The following RNF217 variants were observed in gnomAD, a reference collection of about 807,000 sequenced individuals.
RNF217 encodes E3 ubiquitin-protein ligase RNF217.
In RNF217, 31 loss-of-function variants were observed where a neutral mutation model predicts 57.8. The ratio of observed to expected loss-of-function variants is 0.54; its 90% CI spans 0.40 to 0.72. The LOEUF is 0.72. Among genes scored for constraint, RNF217 ranks in the 30% least tolerant of loss-of-function variants. The pLI, the probability that RNF217 is intolerant of heterozygous loss-of-function variation, is 0.00. For missense variants in RNF217, 696 were observed against 708.3 expected (o/e 0.98, Z 0.20); for synonymous variants, 313 against 294.0 (o/e 1.06, Z -0.66).
At chr6:125,062,111 A>G (rs1473445868) in intron 3 of RNF217, among the ~76,000 whole-genome samples, 2 of 152,044 alleles carry the variant, frequency 1.3e-5, no homozygotes, top group Non-Finnish European at 2.9e-5. Flanking sequence ...CTGTACTTAC[A>G]CTGGTGAGTT....
intron 1 of RNF217, among the ~76,000 whole-genome samples, chr6:125,030,465 T>C (rs1786305481): frequency 6.6e-6 from 1 of 152,204 alleles, no homozygotes; most frequent in Non-Finnish European, 1.5e-5. Context: ...ACTTCCTAGA[T>C]ACAATGGGAA....
chr6:125,035,164 C>T (rs2114488851), intron 1 of RNF217, among the ~76,000 whole-genome samples: 1 of 152,264 alleles, frequency 6.6e-6, no homozygotes, highest in East Asian at 1.9e-4. Flanking sequence ...TTGACTTCCT[C>T]TTTTCCTAGT....
At chr6:125,045,821 A>G (rs959368358) in intron 2 of RNF217, among the ~76,000 whole-genome samples, 2 of 151,748 alleles carry the variant, frequency 1.3e-5, no homozygotes, top group African/African-American at 2.4e-5. Context: ...TGTTCTGTCT[A>G]TAATAGGTAA....
chr6:124,963,384 G>C lies in RNF217; in HGVS notation c.840G>C (p.Lys280Asn). The change falls in exon 1 of 6, where the codon AAG (lysine) becomes AAC (asparagine). Residue 280 changes from lysine (K) to asparagine (N), a missense_variant. Lys to Asn is a moderately conservative substitution (Grantham distance 94, BLOSUM62 0). Transcript: ENST00000521654. ...TCAAGCCCCTGCCTTGCTGCAAGAA[G>C]GCCGTGTGCGAGGAGTGCCTCAAAG... ...KPIKPLPCCK[K>N]AVCEECLKVY... is the part of the protein sequence containing the mutation. 1 of 1,508,130 alleles carries C rather than the reference G, an allele frequency of 6.6e-7. No individual in the cohort carries two copies. The highest frequency in any genetic ancestry group is 2.1e-5 in the Admixed American group (1 of 46,978). 93.4% of individuals were successfully genotyped at this position (1,508,130 alleles called of 1,614,324 possible).
At chr6:125,054,498 C>G (rs1230859980) in intron 2 of RNF217, among the ~76,000 whole-genome samples, 1 of 152,164 alleles carries the variant, frequency 6.6e-6, no homozygotes, top group Non-Finnish European at 1.5e-5. Flanking sequence ...AGTCATTTAG[C>G]TCTTCTCTGT....
intron 1 of RNF217, among the ~76,000 whole-genome samples, chr6:125,004,341 T>C (rs1785091789): frequency 1.3e-5 from 2 of 152,168 alleles, no homozygotes; most frequent in South Asian, 4.1e-4. Flanking sequence ...TCCTCCATCC[T>C]AGTTAAGTGC....
chr6:124,989,867 GA>G lies in RNF217; in HGVS notation c.882+26451del, dbSNP rs144016453. On this transcript the variant is annotated intron_variant, in intron 1 of 5. Coordinates refer to ENST00000521654, the MANE Select transcript of RNF217 (RefSeq NM_001286398.3). ...AACCAGCTGTTATTGTTCTCTGCTT[GA>G]AAAAAAAAACACCAACAAAATAAAG... is the stretch of plus-strand genomic sequence containing the variant. 3.4e-3 allele frequency among the ~76,000 whole-genome samples: 495 copies of G among 144,382 alleles called. 3 individuals carry two copies. The highest frequency in any genetic ancestry group is 5.9e-3 in the Non-Finnish European group (390 of 66,050). 94.7% of individuals were successfully genotyped at this position (144,382 alleles called of 152,430 possible). A position where few individuals can be genotyped will look rare whatever the true frequency, so the allele number is the denominator to read the frequency against.
At chr6:124,975,681 A>T (rs953807282) in intron 1 of RNF217, among the ~76,000 whole-genome samples, 1 of 151,840 alleles carries the variant, frequency 6.6e-6, no homozygotes, top group Admixed American at 6.6e-5. Context: ...AAGCGATCTA[A>T]CCACCTGGGC....
chr6:124,962,914 C>A lies in RNF217; in HGVS notation c.370C>A (p.Gln124Lys), dbSNP rs867768092. ...AGDRKEGGDE[Q>K]QEAPPGEELE... ...GGATCGAAAAGAGGGAGGGGATGAA[C>A]AGCAGGAGGCGCCCCCCGGCGAAGA... Residue 124 changes from glutamine (Q) to lysine (K), a missense_variant, in exon 1 of 6, where the codon CAG becomes AAG. By Grantham distance (53) the Gln-to-Lys change is moderately conservative. Around this residue, in one of 2 missense-constraint regions of RNF217, gnomAD observed 465 missense variants for 386.8 expected, o/e 1.20. Coordinates refer to ENST00000521654, the MANE Select transcript of RNF217 (RefSeq NM_001286398.3). This position sits in a 1 kb window ranked among gnomAD's most constrained non-coding sequence, Gnocchi z 4.6. The A allele has an allele frequency of 1.3e-6, 2 of 1,597,954 alleles. No homozygotes were observed. Among genetic ancestry groups the A allele is most frequent in the South Asian group, 2.2e-5 (2 of 91,066 alleles).
rs2114671976 is a variant in RNF217 at position 125,087,879 on chromosome 6, C to T, written c.*4942C>T. On this transcript the variant is annotated 3_prime_UTR_variant, in exon 6 of 6. Coordinates refer to ENST00000521654, the MANE Select transcript of RNF217 (RefSeq NM_001286398.3). ...AATTCATGAATTCTATAAAAGAAATCTCCCTCACTAAAAATATGATCAATC... is the reference window on the plus strand; with the variant it reads ...AATTCATGAATTCTATAAAAGAAATTTCCCTCACTAAAAATATGATCAATC... The T allele has an allele frequency of 6.6e-6, 1 of 152,082 alleles. No homozygotes were observed. Among genetic ancestry groups the T allele is most frequent in the African/African-American group, 2.4e-5 (1 of 41,514 alleles). 9.4% of individuals were successfully genotyped at this position (152,082 alleles called of 1,614,324 possible).
chr6:125,075,334 T>A (rs556313922), intron 3 of RNF217, among the ~76,000 whole-genome samples: 2 of 152,268 alleles, frequency 1.3e-5, no homozygotes, highest in South Asian at 4.2e-4. Flanking sequence ...TAGTCCATTA[T>A]CATGCTGCTA....
intron 1 of RNF217, among the ~76,000 whole-genome samples, chr6:124,993,011 G>A (rs1220425636): frequency 6.6e-6 from 1 of 152,152 alleles, no homozygotes; most frequent in East Asian, 1.9e-4. Flanking sequence ...AGAAACAACT[G>A]TCAGTGCTCT....
intron 4 of RNF217, among the ~76,000 whole-genome samples, chr6:125,079,100 G>C (rs1156368967): frequency 6.6e-6 from 1 of 152,064 alleles, no homozygotes; most frequent in Non-Finnish European, 1.5e-5. Flanking sequence ...CTGAAGGGTG[G>C]GAAACATGGT....
chr6:125,076,875 C>A lies in RNF217; in HGVS notation c.1483+17C>A, dbSNP rs535099825. The A allele has an allele frequency of 1.3e-4, 213 of 1,600,228 alleles. 1 individual carries two copies. In the South Asian group the frequency reaches 2.2e-3, roughly 16 times the overall value. On this transcript the variant is annotated intron_variant, in intron 4 of 5. Transcript: ENST00000521654. The stretch of plus-strand genomic sequence containing the variant: ...CAGTCTGTGGTGAGTGTCTGACATA[C>A]TTATGGGTGTCTTCCCTGGGAATTA...
intron 1 of RNF217, among the ~76,000 whole-genome samples, chr6:124,969,255 A>G (rs1216617053): frequency 6.6e-6 from 1 of 152,240 alleles, no homozygotes; most frequent in Non-Finnish European, 1.5e-5. Context: ...AGTAAATACA[A>G]AGATATACAT....
At chr6:124,992,401 G>C (rs1406050776) in intron 1 of RNF217, among the ~76,000 whole-genome samples, 1 of 152,072 alleles carries the variant, frequency 6.6e-6, no homozygotes, top group African/African-American at 2.4e-5. Context: ...GAGAAAATAA[G>C]AAACTAAGAG....
intron 1 of RNF217, among the ~76,000 whole-genome samples, chr6:125,032,319 C>T (rs942145580): frequency 6.6e-6 from 1 of 152,074 alleles, no homozygotes; most frequent in Non-Finnish European, 1.5e-5. Flanking sequence ...ACTTAAAATT[C>T]CTAATTCAAT....
intron 1 of RNF217, among the ~76,000 whole-genome samples, chr6:125,026,211 T>G (rs941868613): frequency 1.3e-5 from 2 of 152,224 alleles, no homozygotes; most frequent in African/African-American, 4.8e-5. Flanking sequence ...CAGCCAGTTT[T>G]GCAAAACCTG....
At chr6:125,063,329 G>A (rs1224213114) in intron 3 of RNF217, among the ~76,000 whole-genome samples, 1 of 152,134 alleles carries the variant, frequency 6.6e-6, no homozygotes, top group Non-Finnish European at 1.5e-5. Context: ...ACACTAAATT[G>A]TAATTTATTT....
Sources: allele counts gnomAD v4.1 joint callset (sites outside exome capture counted in the v4.1 genomes callset), GRCh38; gene constraint gnomAD v4.1.1; regional missense constraint gnomAD v4.1.1; non-coding constraint Gnocchi (gnomAD v3.1); transcripts MANE v1.5; gene names NCBI Gene and HGNC (gene_info 2026-07-23, HGNC 2026-07-21).